Variants in DOCK1 observed in about 807,000 individuals in gnomAD.
DOCK1 encodes dedicator of cytokinesis 1.
DOCK1 carries 138 observed loss-of-function variants against 262.7 expected under a neutral mutation model. The ratio of observed to expected loss-of-function variants is 0.53; its 90% CI spans 0.46 to 0.61. The LOEUF (loss-of-function observed/expected upper bound fraction) is 0.61, where lower values mean the gene tolerates loss of function less well. Among genes scored for constraint, DOCK1 ranks in the 20% least tolerant of loss-of-function variants. The pLI is 0.00. For synonymous variants in DOCK1, 866 were observed against 867.4 expected, an observed-to-expected ratio of 1.00 and a Z score of 0.03; for missense variants, 1,908 against 2,370.7, an observed-to-expected ratio of 0.80 and a Z score of 4.05.
At chr10:127,328,301 C>G (rs2062828882) in intron 29 of DOCK1, among the ~76,000 whole-genome samples, 2 of 152,156 alleles carry the variant, frequency 1.3e-5, no homozygotes, top group African/African-American at 4.8e-5. Context: ...AAGCAGCATT[C>G]TCTTTTGTAA....
intron 47 of DOCK1, among the ~76,000 whole-genome samples, chr10:127,428,939 CGTGTGG>C (rs2069055938): frequency 9.9e-6 from 1 of 100,636 alleles, no homozygotes; most frequent in South Asian, 3.5e-4. Context: ...TGGATTGTGC[CGTGTGG>C]ATTGGGGTGC....
rs183148234 is a variant in DOCK1, at chr10:127,444,292, C to T, written c.5413+13C>T. On this transcript the variant is annotated intron_variant, in intron 50 of 51. Coordinates refer to ENST00000623213, the MANE Select transcript of DOCK1 (RefSeq NM_001290223.2). ...AGCATGCAGTCGAGTAAGTGGAACGCTCCCCACATACGAATCGTGCTATAG... is the reference window on the plus strand; with the variant it reads ...AGCATGCAGTCGAGTAAGTGGAACGTTCCCCACATACGAATCGTGCTATAG... The T allele has an allele frequency of 9.3e-5, 147 of 1,588,592 alleles. No individual in the cohort carries two copies. In the African/African-American group the frequency reaches 1.5e-3, roughly 16 times the overall value.
intron 31 of DOCK1, among the ~76,000 whole-genome samples, chr10:127,351,016 C>A (rs778558350): frequency 6.6e-6 from 1 of 152,132 alleles, no homozygotes. Context: ...GTAAATTGCC[C>A]GGTGTGCTTA....
intron 27 of DOCK1, among the ~76,000 whole-genome samples, chr10:127,230,006 A>G (rs1186274792): frequency 6.6e-6 from 1 of 152,132 alleles, no homozygotes; most frequent in Admixed American, 6.5e-5. Context: ...TTTCATACAT[A>G]TGTTGGCCAC....
intron 27 of DOCK1, among the ~76,000 whole-genome samples, chr10:127,171,808 A>G (rs1036615730): frequency 1.3e-5 from 2 of 152,136 alleles, no homozygotes; most frequent in Non-Finnish European, 2.9e-5. Flanking sequence ...GGTTCAAGCA[A>G]TTCTCCTGCC....
intron 22 of DOCK1, among the ~76,000 whole-genome samples, chr10:127,057,376 A>G (rs1226750637): frequency 6.6e-6 from 1 of 152,254 alleles, no homozygotes; most frequent in African/African-American, 2.4e-5. Flanking sequence ...GCTTTGTTAA[A>G]TTCCAGTATA....
intron 15 of DOCK1, chr10:127,025,091 CA>C: frequency 5.2e-6 from 1 of 194,144 alleles, no homozygotes; most frequent in Non-Finnish European, 1.1e-5. Context: ...TTACACCAAA[CA>C]AAAAAACCGA....
chr10:127,424,751 C>T (rs949909396), intron 46 of DOCK1, among the ~76,000 whole-genome samples: 5 of 152,198 alleles, frequency 3.3e-5, no homozygotes, highest in Admixed American at 6.5e-5. Context: ...TTTGAAATCT[C>T]TCTGTATGCT....
chr10:127,401,272 G>A (rs756963445), intron 38 of DOCK1, among the ~76,000 whole-genome samples: 16 of 152,134 alleles, frequency 1.1e-4, no homozygotes, highest in Non-Finnish European at 1.8e-4. Flanking sequence ...GTTACTGGCC[G>A]CAAATCTGTA....
chr10:127,073,093 T>C (rs1336253375), intron 23 of DOCK1, among the ~76,000 whole-genome samples: 2 of 152,364 alleles, frequency 1.3e-5, no homozygotes, highest in African/African-American at 4.8e-5. Context: ...GTAGATTCTT[T>C]TTATGTTTTA....
At chr10:127,370,193 C>T (rs1234774359) in intron 33 of DOCK1, among the ~76,000 whole-genome samples, 1 of 152,324 alleles carries the variant, frequency 6.6e-6, no homozygotes, top group East Asian at 1.9e-4. Flanking sequence ...CTGAGCATTT[C>T]TTCTTTAAAT....
chr10:126,953,183 G>A lies in DOCK1; in HGVS notation c.47-17519G>A, dbSNP rs957920333. On this transcript the variant is annotated intron_variant, in intron 1 of 51. Coordinates refer to ENST00000623213, the MANE Select transcript of DOCK1 (RefSeq NM_001290223.2). ...TGGTGGTGGTATTGTTATTGGCAGC[G>A]ATGGCAGTGGAGGTGGTAGTGGTGG... 9.9e-4 allele frequency among the ~76,000 whole-genome samples: 150 copies of A among 151,740 alleles called. 3 individuals carry two copies. The East Asian group carries it at 0.023, about 24-fold the overall frequency.
intron 32 of DOCK1, 128 bp downstream of exon 32, chr10:127,354,855 C>T (rs1455499687): frequency 1.8e-6 from 2 of 1,110,614 alleles, no homozygotes; most frequent in Non-Finnish European, 2.6e-6. Context: ...ACAGCAGTTG[C>T]TACTCTTTGT....
intron 9 of DOCK1, 128 bp downstream of exon 9, chr10:126,999,563 G>C: frequency 4.5e-6 from 3 of 673,142 alleles, no homozygotes; most frequent in Non-Finnish European, 7.6e-6. Flanking sequence ...GGTTAATTTA[G>C]TATTACTAAG....
intron 32 of DOCK1, among the ~76,000 whole-genome samples, chr10:127,357,700 A>C (rs1188922507): frequency 6.6e-6 from 1 of 152,214 alleles, no homozygotes; most frequent in East Asian, 1.9e-4. Flanking sequence ...AACCAAAGCC[A>C]ATTAGGGTCA....
chr10:127,066,661 C>A (rs937303569), intron 23 of DOCK1, among the ~76,000 whole-genome samples: 1 of 152,206 alleles, frequency 6.6e-6, no homozygotes, highest in African/African-American at 2.4e-5. Context: ...TTAGCTCCCC[C>A]AATCAGTGGT....
chr10:127,108,772 A>G lies in DOCK1; in HGVS notation c.2517-1476A>G, dbSNP rs191618822. Among the ~76,000 whole-genome samples the G allele has an allele frequency of 2.6e-5, 4 of 152,334 alleles. No homozygotes were observed. In the East Asian group the frequency reaches 7.7e-4, roughly 29 times the overall value. On this transcript the variant is annotated intron_variant, in intron 24 of 51. Transcript: ENST00000623213. ...GCAGCATCTATTATGTGCTTTCACCATGTAAAATAGGTTTTGCACAAAGCA... is the reference window on the plus strand; with the variant it reads ...GCAGCATCTATTATGTGCTTTCACCGTGTAAAATAGGTTTTGCACAAAGCA...
intron 49 of DOCK1, among the ~76,000 whole-genome samples, chr10:127,440,559 TC>T (rs1034412972): frequency 1.6e-4 from 25 of 152,288 alleles, no homozygotes; most frequent in Admixed American, 1.6e-3. Context: ...GCCCTGGGCG[TC>T]GGCGGGCTGT....
chr10:126,975,160 G>A (rs1473602656), intron 2 of DOCK1, among the ~76,000 whole-genome samples: 1 of 152,072 alleles, frequency 6.6e-6, no homozygotes, highest in African/African-American at 2.4e-5. Context: ...CATTTAAAAT[G>A]CACTGTGTTC....
Sources: allele counts gnomAD v4.1 joint callset (sites outside exome capture counted in the v4.1 genomes callset), GRCh38; gene constraint gnomAD v4.1.1; transcripts MANE v1.5; gene names NCBI Gene and HGNC (gene_info 2026-07-23, HGNC 2026-07-21).